DNAH7: variants seen among roughly 807,000 people sequenced by gnomAD.
DNAH7 encodes dynein axonemal heavy chain 7.
In DNAH7, 397 loss-of-function variants were observed where a neutral mutation model predicts 444.6. The ratio of observed to expected loss-of-function variants is 0.89; its 90% CI spans 0.82 to 0.97. DNAH7 has a LOEUF of 0.97. DNAH7 is among the 50% of genes least tolerant of loss of function. DNAH7 has a pLI of 0.00. For synonymous variants in DNAH7, 1,636 were observed against 1,624.4 expected (o/e 1.01, Z -0.17); for missense variants, 4,902 against 4,800.8 (o/e 1.02, Z -0.62).
At chr2:195,811,380 G>C (rs1203427885) in intron 51 of DNAH7, among the ~76,000 whole-genome samples, 1 of 152,058 alleles carries the variant, frequency 6.6e-6, no homozygotes, top group African/African-American at 2.4e-5. Context: ...TGTTTGACAG[G>C]GTCTCTGTCA....
At chr2:195,968,460 C>T (rs948049111) in intron 17 of DNAH7, among the ~76,000 whole-genome samples, 8 of 152,180 alleles carry the variant, frequency 5.3e-5, no homozygotes, top group African/African-American at 1.7e-4. Flanking sequence ...CTGCACGTTG[C>T]CCTGCCCTAC....
In DNAH7 at chr2:195,888,452, G is replaced by C; in HGVS notation, c.5230-18C>G. 6.4e-7 allele frequency: 1 copy of C among 1,574,154 alleles called. No individual in the cohort carries two copies. The highest frequency in any genetic ancestry group is 8.6e-7 in the Non-Finnish European group (1 of 1,168,286). Reference sequence around the variant, plus strand: ...CTGGAAACCTGGAAAGCCATAATTGGTTACCATCAAGGTAATAATGCTTAT... The same window carrying C: ...CTGGAAACCTGGAAAGCCATAATTGCTTACCATCAAGGTAATAATGCTTAT... On this transcript the variant is annotated intron_variant, in intron 32 of 64. Coordinates refer to ENST00000312428, the MANE Select transcript of DNAH7 (RefSeq NM_018897.3).
At chr2:195,834,689 G>A (rs370314497) in intron 47 of DNAH7, among the ~76,000 whole-genome samples, 17 of 152,146 alleles carry the variant, frequency 1.1e-4, no homozygotes, top group African/African-American at 3.6e-4. Context: ...AGAGGACTGC[G>A]TTGGAAATAA....
intron 2 of DNAH7, among the ~76,000 whole-genome samples, chr2:196,057,461 CAA>C (rs1237510758): frequency 6.6e-6 from 1 of 151,978 alleles, no homozygotes; most frequent in African/African-American, 2.4e-5. Context: ...AAACTAGAAA[CAA>C]GATAAATATT....
At chr2:195,962,596 T>C (rs923678948) in intron 17 of DNAH7, among the ~76,000 whole-genome samples, 1 of 152,202 alleles carries the variant, frequency 6.6e-6, no homozygotes, top group Non-Finnish European at 1.5e-5. Flanking sequence ...GTGATCTGCC[T>C]GCCTTGGCCT....
chr2:195,915,450 T>G (rs1307922572), intron 24 of DNAH7, among the ~76,000 whole-genome samples: 1 of 152,160 alleles, frequency 6.6e-6, no homozygotes, highest in East Asian at 1.9e-4. Context: ...ATAGACAGAT[T>G]ATATTGCACC....
intron 7 of DNAH7, among the ~76,000 whole-genome samples, chr2:196,025,067 A>G (rs1695600399): frequency 6.6e-6 from 1 of 152,254 alleles, no homozygotes. Context: ...GAGATGATTT[A>G]AAGTATACGG....
intron 47 of DNAH7, among the ~76,000 whole-genome samples, chr2:195,839,485 G>A (rs1698556034): frequency 6.6e-6 from 1 of 151,532 alleles, no homozygotes; most frequent in African/African-American, 2.4e-5. Flanking sequence ...TATGCCTAAA[G>A]CAAACAGAAG....
chr2:195,860,442 T>C (rs1319795134), intron 42 of DNAH7, among the ~76,000 whole-genome samples: 1 of 151,816 alleles, frequency 6.6e-6, no homozygotes, highest in Admixed American at 6.6e-5. Flanking sequence ...AATAATAAAT[T>C]CCAGCCAAGC....
At position 195,737,884 on chromosome 2, in the gene DNAH7, C is replaced by CA. The variant is rs372541890; in HGVS notation, c.*36dup. 9.6e-6 allele frequency: 15 copies of CA among 1,565,466 alleles called. No individual in the cohort carries two copies. In the African/African-American group the frequency reaches 2.1e-4, roughly 22 times the overall value. On this transcript the variant is annotated 3_prime_UTR_variant, in exon 65 of 65. Transcript: ENST00000312428. ...AATATGCTTTCTCTACTCAGCCAGC[C>CA]AACAAGAAATAGGAACAAGGAAATG...
intron 32 of DNAH7, 110 bp downstream of exon 32, chr2:195,888,689 T>C (rs1701845663): frequency 1.7e-6 from 2 of 1,191,618 alleles, no homozygotes; most frequent in Non-Finnish European, 2.3e-6. Flanking sequence ...CAGATCGCTC[T>C]TAAAAGAAAT....
chr2:196,059,929 T>C (rs1315492788), intron 1 of DNAH7, among the ~76,000 whole-genome samples: 1 of 152,076 alleles, frequency 6.6e-6, no homozygotes, highest in Non-Finnish European at 1.5e-5. Context: ...TAAACCTATG[T>C]TTCTGGCTGG....
intron 51 of DNAH7, among the ~76,000 whole-genome samples, chr2:195,810,300 CATT>C (rs1233592501): frequency 2.6e-5 from 4 of 152,124 alleles, no homozygotes; most frequent in Admixed American, 1.3e-4. Context: ...TTGTGCTACT[CATT>C]ATAAATTCAT....
rs576248000 is a variant in DNAH7 at position 195,806,761 on chromosome 2, A to C, written c.10155T>G (p.Ile3385Met). ...TTACCTTGTCTGGCCTCAAGCAACG[A>C]ATAATAAGCATCCTTTGAAACTCAT... The part of the protein sequence containing the change: ...KANEFQRMLI[I>M]RCLRPDKVIP... Residue 3385 changes from isoleucine to methionine, a missense_variant, in exon 54 of 65, where the codon ATT (isoleucine) becomes ATG (methionine). Coordinates refer to ENST00000312428, the MANE Select transcript of DNAH7 (RefSeq NM_018897.3). 16 of 1,613,614 alleles carry C rather than the reference A, an allele frequency of 9.9e-6. No individual in the cohort carries two copies. Among genetic ancestry groups the C allele is most frequent in the Non-Finnish European group, 1.4e-5 (16 of 1,179,682 alleles).
chr2:195,934,379 T>C (rs1234525049), intron 21 of DNAH7, among the ~76,000 whole-genome samples: 1 of 152,224 alleles, frequency 6.6e-6, no homozygotes, highest in East Asian at 1.9e-4. Context: ...TGTTTTGTAG[T>C]ATGGATGGTA....
chr2:195,891,634 T>TGTG, intron 31 of DNAH7, 21 bp downstream of exon 31: 1 of 1,527,596 alleles, frequency 6.5e-7, no homozygotes, highest in Non-Finnish European at 8.8e-7. Context: ...AAGATATGCA[T>TGTG]GTGAAAGTGT....
chr2:195,802,684 C>T (rs1352092354), intron 54 of DNAH7, among the ~76,000 whole-genome samples: 1 of 150,268 alleles, frequency 6.7e-6, no homozygotes, highest in Non-Finnish European at 1.5e-5. Flanking sequence ...AAAACAAAAT[C>T]AAAAAGGAAA....
In DNAH7 at chr2:195,816,735, A is replaced by C. The variant is rs891402956; in HGVS notation, c.9654T>G (p.Ala3218=). 53 of 1,614,120 alleles carry C rather than the reference A, an allele frequency of 3.3e-5. No individual in the cohort carries two copies. Among genetic ancestry groups the C allele is most frequent in the Non-Finnish European group, 4.3e-5 (51 of 1,180,030 alleles). ...ACATGGGCTCAATGTTGGCTAAATC[A>C]GCAAGAGAAAAAAATAGGATGGAAG... ...IHSSILFFSL[A]DLANIEPMYQ... Residue 3218 remains alanine, a synonymous_variant, in exon 51 of 65, where the codon GCT becomes GCG. Transcript: ENST00000312428.
chr2:195,821,679 T>C (rs965212113), intron 49 of DNAH7, among the ~76,000 whole-genome samples: 1 of 152,148 alleles, frequency 6.6e-6, no homozygotes, highest in Non-Finnish European at 1.5e-5. Flanking sequence ...GGAGGCACAG[T>C]AGATAAACTG....
Sources: gnomAD v4.1 joint callset for allele counts (sites outside exome capture counted in the v4.1 genomes callset) on GRCh38, gnomAD v4.1.1 for gene constraint, MANE v1.5 for transcripts, NCBI Gene and HGNC (gene_info 2026-07-23, HGNC 2026-07-21) for gene names.